Variants in TDRD1 observed in about 807,000 individuals in gnomAD.
TDRD1 encodes the protein tudor domain containing 1.
Under a neutral mutation model 140.6 loss-of-function variants are expected in TDRD1, and 37 were observed. The ratio of observed to expected loss-of-function variants is 0.26; its 90% CI spans 0.20 to 0.35. TDRD1 has a LOEUF of 0.35. TDRD1 is among the 10% of genes least tolerant of loss of function. The pLI is 1.00. For missense variants in TDRD1, 1,243 were observed against 1,393.0 expected, an observed-to-expected ratio of 0.89 and a Z score of 1.71; for synonymous variants, 506 against 475.7, an observed-to-expected ratio of 1.06 and a Z score of -0.83.
chr10:114,225,623 G>C (rs2036392771), intron 21 of TDRD1, among the ~76,000 whole-genome samples: 1 of 151,962 alleles, frequency 6.6e-6, no homozygotes, highest in East Asian at 1.9e-4. Flanking sequence ...ACTTTCGGAG[G>C]CTGAGGCAGT....
intron 2 of TDRD1, among the ~76,000 whole-genome samples, chr10:114,190,212 TC>T (rs2033859163): frequency 6.6e-6 from 1 of 152,060 alleles, no homozygotes; most frequent in South Asian, 2.1e-4. Flanking sequence ...GTGTAATTCT[TC>T]TATATTTTGT....
At chr10:114,225,947 C>A in intron 21 of TDRD1, 102 bp from the exon 22 acceptor site, 1 of 969,154 alleles carries the variant, frequency 1.0e-6, no homozygotes, top group Non-Finnish European at 1.6e-6. Flanking sequence ...GAAATTTTGG[C>A]ATGGATTTTT....
upstream of TDRD1, among the ~76,000 whole-genome samples, chr10:114,175,155 A>G (rs1007491269): frequency 2.0e-5 from 3 of 152,232 alleles, no homozygotes; most frequent in Non-Finnish European, 1.5e-5. Context: ...TTTTGCAGTT[A>G]AAGTGTCTTG....
exon 15 of TDRD1, chr10:114,213,374 T>C (rs200979249): frequency 6.2e-7 from 1 of 1,613,638 alleles, no homozygotes; most frequent in East Asian, 2.2e-5. Flanking sequence ...GAATTTGGAC[T>C]CCAGAAGCTA....
At chr10:114,181,536 A>G (rs898386490) in intron 1 of TDRD1, among the ~76,000 whole-genome samples, 4 of 152,168 alleles carry the variant, frequency 2.6e-5, no homozygotes, top group Admixed American at 1.3e-4. Flanking sequence ...AATAGATGCT[A>G]AGTCTTACTG....
exon 8 of TDRD1, chr10:114,203,438 T>C: frequency 6.2e-7 from 1 of 1,613,830 alleles, no homozygotes; most frequent in Non-Finnish European, 8.5e-7. Flanking sequence ...TGCAGTTATA[T>C]TCTTCAGAAG....
intron 1 of TDRD1, among the ~76,000 whole-genome samples, chr10:114,183,287 A>G (rs1179866740): frequency 6.6e-6 from 1 of 152,184 alleles, no homozygotes; most frequent in Non-Finnish European, 1.5e-5. Flanking sequence ...AGATGACTAT[A>G]CGCTAGTTTT....
At chr10:114,212,071 A>C (rs758087458) in intron 14 of TDRD1, 35 bp downstream of exon 14, 2 of 1,535,500 alleles carry the variant, frequency 1.3e-6, no homozygotes, top group South Asian at 2.6e-5. Context: ...ATTCTTTAAA[A>C]ATTCTACAGA....
chr10:114,221,501 A>G, intron 20 of TDRD1, 25 bp downstream of exon 20: 2 of 1,605,368 alleles, frequency 1.2e-6, no homozygotes, highest in African/African-American at 1.3e-5. Flanking sequence ...TTTGAGACAT[A>G]TTTATGCTCA....
intron 5 of TDRD1, 53 bp downstream of exon 5, chr10:114,201,568 A>T: frequency 6.8e-7 from 1 of 1,473,150 alleles, no homozygotes; most frequent in South Asian, 1.2e-5. Context: ...AGGTTCTGAT[A>T]CAATAAGCGT....
chr10:114,223,407 C>T (rs2036256987), intron 21 of TDRD1, among the ~76,000 whole-genome samples: 1 of 152,232 alleles, frequency 6.6e-6, no homozygotes, highest in Non-Finnish European at 1.5e-5. Flanking sequence ...CCTGCCTTCT[C>T]AAAGAGCCTT....
At chr10:114,194,116 TTTTTACATAAG>T (rs1202723720) in intron 3 of TDRD1, among the ~76,000 whole-genome samples, 14 of 152,228 alleles carry the variant, frequency 9.2e-5, no homozygotes, top group Non-Finnish European at 1.8e-4. Flanking sequence ...TTGATAAGGA[TTTTTACATAAG>T]TTTTCAAGAG....
At chr10:114,187,258 G>A (rs1358440436) in intron 1 of TDRD1, among the ~76,000 whole-genome samples, 3 of 152,192 alleles carry the variant, frequency 2.0e-5, no homozygotes, top group Admixed American at 6.5e-5. Context: ...GATGATCAAA[G>A]CAGAGGCCTT....
intron 1 of TDRD1, among the ~76,000 whole-genome samples, chr10:114,185,208 G>A (rs2033419916): frequency 6.6e-6 from 1 of 151,984 alleles, no homozygotes; most frequent in Admixed American, 6.5e-5. Flanking sequence ...TTTTGTTTTT[G>A]AGACAGAGTC....
At chr10:114,225,212 A>C (rs181003221) in intron 21 of TDRD1, among the ~76,000 whole-genome samples, 13 of 152,356 alleles carry the variant, frequency 8.5e-5, no homozygotes, top group Admixed American at 7.8e-4. Flanking sequence ...AAACATGGGA[A>C]CACAAAGCTC....
chr10:114,216,090 T>C (rs972860893), intron 16 of TDRD1, among the ~76,000 whole-genome samples: 9 of 152,228 alleles, frequency 5.9e-5, no homozygotes, highest in African/African-American at 2.2e-4. Context: ...AGATGGTACA[T>C]AGAGTTCCTG....
At chr10:114,194,297 A>T (rs762148915) in intron 3 of TDRD1, among the ~76,000 whole-genome samples, 4 of 152,294 alleles carry the variant, frequency 2.6e-5, no homozygotes, top group Non-Finnish European at 4.4e-5. Context: ...CATTTGGTAG[A>T]ATTCTCCAAT....
At chr10:114,228,896 C>A in intron 25 of TDRD1, 2 of 462,980 alleles carry the variant, frequency 4.3e-6, no homozygotes, top group South Asian at 9.1e-5. Context: ...TCAGCCTGGC[C>A]AAGATGGCGA....
chr10:114,175,336 A>G (rs910580373), upstream of TDRD1, among the ~76,000 whole-genome samples: 2 of 152,252 alleles, frequency 1.3e-5, no homozygotes, highest in African/African-American at 4.8e-5. Flanking sequence ...AATTAGTATA[A>G]AGTATATAAA....
Sources: allele counts gnomAD v4.1 joint callset (sites outside exome capture counted in the v4.1 genomes callset), GRCh38; gene constraint gnomAD v4.1.1; transcripts MANE v1.5; gene names NCBI Gene and HGNC (gene_info 2026-07-23, HGNC 2026-07-21).